Variants in INPP4B observed in about 807,000 individuals in gnomAD.
INPP4B encodes inositol polyphosphate 4-phosphatase type II.
A neutral mutation model predicts 122.5 loss-of-function variants in INPP4B; 55 were observed. That is an observed-to-expected ratio of 0.45 (90% confidence interval 0.36 to 0.56). The LOEUF (loss-of-function observed/expected upper bound fraction) is 0.56, where lower values mean the gene tolerates loss of function less well. Among genes scored for constraint, INPP4B ranks in the 20% least tolerant of loss-of-function variants. The pLI, the probability that INPP4B is intolerant of heterozygous loss-of-function variation, is 0.00. For synonymous variants in INPP4B, 403 were observed against 388.7 expected (o/e 1.04, Z -0.43); for missense variants, 1,000 against 1,097.7 (o/e 0.91, Z 1.26).
intron 1 of INPP4B, among the ~76,000 whole-genome samples, chr4:142,834,527 AATAGTAAAACTAGAGGTCCTTGAGG>A (rs1380516250): frequency 6.6e-6 from 1 of 152,230 alleles, no homozygotes; most frequent in East Asian, 1.9e-4. Flanking sequence ...GGAGCATGGG[AATAGTAAAACTAGAGGTCCTTGAGG>A]GTACCTTCTT....
At chr4:142,485,693 A>C (rs956720672) in intron 2 of INPP4B, among the ~76,000 whole-genome samples, 3 of 152,146 alleles carry the variant, frequency 2.0e-5, no homozygotes, top group Non-Finnish European at 4.4e-5. Flanking sequence ...AACTGAACAA[A>C]TGTGACTCTA....
intron 7 of INPP4B, among the ~76,000 whole-genome samples, chr4:142,367,768 T>A (rs1333192459): frequency 4.6e-5 from 7 of 152,296 alleles, no homozygotes; most frequent in Non-Finnish European, 1.0e-4. Context: ...GACACTAGAA[T>A]AAGGTTAGAG....
chr4:142,722,062 C>T (rs75145197), intron 2 of INPP4B, among the ~76,000 whole-genome samples: 5,885 of 151,982 alleles, frequency 0.039, 145 homozygotes, highest in African/African-American at 0.054. Context: ...AGAAAAAAAT[C>T]CGTGTCTGTG....
chr4:142,278,409 G>A (rs1433023846), intron 9 of INPP4B, among the ~76,000 whole-genome samples: 1 of 151,814 alleles, frequency 6.6e-6, no homozygotes, highest in Non-Finnish European at 1.5e-5. Context: ...CAGGAAAGTG[G>A]TCTCCTAATA....
chr4:142,616,280 C>T (rs1248708923), intron 2 of INPP4B, among the ~76,000 whole-genome samples: 1 of 151,982 alleles, frequency 6.6e-6, no homozygotes, highest in Non-Finnish European at 1.5e-5. Context: ...GATGAGATTC[C>T]TAGAGAGGGA....
At chr4:142,699,620 C>A (rs1761461130) in intron 2 of INPP4B, among the ~76,000 whole-genome samples, 1 of 152,176 alleles carries the variant, frequency 6.6e-6, no homozygotes, top group Non-Finnish European at 1.5e-5. Flanking sequence ...TTCACTCATG[C>A]ATATACCTCA....
chr4:142,294,829 C>CAGAAAAAAAAAAAAAAAAA (rs1757903392), intron 9 of INPP4B, among the ~76,000 whole-genome samples: 1 of 28,462 alleles, frequency 3.5e-5, no homozygotes, highest in African/African-American at 1.2e-4. Context: ...GACTCCGTCT[C>CAGAAAAAAAAAAAAAAAAA]AAAAAAAAAA....
chr4:142,675,266 C>T (rs533659743), intron 2 of INPP4B, among the ~76,000 whole-genome samples: 1 of 152,244 alleles, frequency 6.6e-6, no homozygotes, highest in Non-Finnish European at 1.5e-5. Context: ...GGATAAATTC[C>T]TGGACACAGA....
At chr4:142,641,082 T>C (rs115227230) in intron 2 of INPP4B, among the ~76,000 whole-genome samples, 1,748 of 152,134 alleles carry the variant, frequency 0.011, 31 homozygotes, top group African/African-American at 0.032. Flanking sequence ...GGTATAATAC[T>C]ATCATAAATG....
chr4:142,186,316 C>G (rs1049811685), intron 15 of INPP4B, among the ~76,000 whole-genome samples: 4 of 152,184 alleles, frequency 2.6e-5, no homozygotes, highest in African/African-American at 9.7e-5. Flanking sequence ...ATTATTTCCA[C>G]TTTACAGATG....
intron 15 of INPP4B, among the ~76,000 whole-genome samples, chr4:142,190,074 C>T (rs1012142066): frequency 5.9e-5 from 9 of 152,146 alleles, no homozygotes; most frequent in Middle Eastern, 3.4e-3. Context: ...TCTCAGATGA[C>T]AGTATTTTAT....
In INPP4B at chr4:142,026,724, C is replaced by T. The variant is rs372820605; in HGVS notation, c.*2058G>A. The T allele has an allele frequency of 3.3e-5, 5 of 152,126 alleles. No homozygotes were observed. The highest frequency in any genetic ancestry group is 3.8e-4 in the East Asian group (2 of 5,202). The allele number at this position is 152,126 out of a possible 1,614,324, so 9.4% of individuals were successfully genotyped here. ...TCAGGTGATCTATCCACCTTGGCTC[C>T]CAAAGTGCTGGGATTACAGGAAATC... is the stretch of plus-strand genomic sequence containing the variant. On this transcript the variant is annotated 3_prime_UTR_variant, in exon 26 of 26. Transcript: ENST00000262992.
intron 11 of INPP4B, among the ~76,000 whole-genome samples, chr4:142,244,710 G>A (rs1239350070): frequency 2.0e-5 from 3 of 152,270 alleles, no homozygotes; most frequent in African/African-American, 7.2e-5. Flanking sequence ...TGTCTTTATA[G>A]TAGAATGATT....
intron 1 of INPP4B, among the ~76,000 whole-genome samples, chr4:142,749,640 T>C (rs1769342570): frequency 6.6e-6 from 1 of 152,000 alleles, no homozygotes. Context: ...TCCACCTTGC[T>C]GTATAAGATA....
chr4:142,286,658 T>G (rs1448055189), intron 9 of INPP4B, among the ~76,000 whole-genome samples: 1 of 152,190 alleles, frequency 6.6e-6, no homozygotes, highest in Non-Finnish European at 1.5e-5. Flanking sequence ...TATCACTCAA[T>G]GCATTTTGTA....
At chr4:142,507,321 T>G (rs770932051) in intron 2 of INPP4B, among the ~76,000 whole-genome samples, 18 of 152,242 alleles carry the variant, frequency 1.2e-4, no homozygotes, top group Middle Eastern at 6.8e-3. Context: ...ATAAATTGAT[T>G]GTTGAAATCA....
chr4:142,594,677 C>T (rs1738275094), intron 2 of INPP4B, among the ~76,000 whole-genome samples: 2 of 151,872 alleles, frequency 1.3e-5, no homozygotes, highest in Non-Finnish European at 2.9e-5. Flanking sequence ...AACATGAGGC[C>T]GGGCATGGTG....
chr4:142,214,613 T>G (rs1846271772), intron 12 of INPP4B, among the ~76,000 whole-genome samples: 1 of 152,176 alleles, frequency 6.6e-6, no homozygotes, highest in Admixed American at 6.5e-5. Context: ...AATACGGTGG[T>G]GTGATCTCAG....
chr4:142,263,639 AATATATATAT>A lies in INPP4B; in HGVS notation c.616-3085_616-3076del, dbSNP rs36227189. On this transcript the variant is annotated intron_variant, in intron 10 of 25. Transcript: ENST00000262992. ...GACCACAAATGAGATAAATTCGTAAAATATATATATATATATATATATATATATATATATA... is the reference window on the plus strand; with the variant it reads ...GACCACAAATGAGATAAATTCGTAAAATATATATATATATATATATATATA... Among the ~76,000 whole-genome samples the A allele has an allele frequency of 3.8e-3, 157 of 41,836 alleles. 2 individuals are homozygous for A. In the East Asian group the frequency reaches 0.053, roughly 14 times the overall value. 27.4% of individuals were successfully genotyped at this position (41,836 alleles called of 152,430 possible).
Sources: allele counts gnomAD v4.1 joint callset (sites outside exome capture counted in the v4.1 genomes callset), GRCh38; gene constraint gnomAD v4.1.1; transcripts MANE v1.5; gene names NCBI Gene and HGNC (gene_info 2026-07-23, HGNC 2026-07-21).